SMG6: variants seen among roughly 807,000 people sequenced by gnomAD.
SMG6 encodes SMG6 nonsense mediated mRNA decay factor, also known as telomerase-binding protein EST1A.
SMG6 carries 66 observed loss-of-function variants against 142.2 expected under a neutral mutation model. The observed-to-expected ratio is 0.46, with a 90% CI of 0.38 to 0.57. The LOEUF (loss-of-function observed/expected upper bound fraction) is 0.57. Ranked by LOEUF, SMG6 falls within the 20% of genes least tolerant of loss-of-function variation. SMG6 has a pLI of 0.00. For missense variants in SMG6, 1,793 were observed against 1,832.0 expected, an observed-to-expected ratio of 0.98 and a Z score of 0.39; for synonymous variants, 779 against 702.4, an observed-to-expected ratio of 1.11 and a Z score of -1.72.
chr17:2,254,095 C>T (rs1274938432), intron 8 of SMG6, among the ~76,000 whole-genome samples: 1 of 152,232 alleles, frequency 6.6e-6, no homozygotes, highest in Non-Finnish European at 1.5e-5. Flanking sequence ...GAAAGTTCAG[C>T]CAAAGGGCAA....
intron 3 of SMG6, 47 bp downstream of exon 3, chr17:2,297,816 C>T (rs780471020): frequency 3.2e-6 from 5 of 1,573,336 alleles, no homozygotes; most frequent in Non-Finnish European, 4.3e-6. Context: ...ATCGTAACTA[C>T]AGAATGCTGA....
chr17:2,228,700 C>T (rs1259622837), intron 10 of SMG6, among the ~76,000 whole-genome samples: 1 of 152,202 alleles, frequency 6.6e-6, no homozygotes, highest in East Asian at 1.9e-4. Context: ...TATACACACA[C>T]ATACATATAT....
chr17:2,089,639 A>G (rs539774238), intron 13 of SMG6: 48 of 152,396 alleles, frequency 3.1e-4, no homozygotes, highest in African/African-American at 1.1e-3. Context: ...GGCTCCAGTT[A>G]TCACTCTAAT....
intron 13 of SMG6, among the ~76,000 whole-genome samples, chr17:2,130,810 G>C (rs934838631): frequency 6.0e-5 from 9 of 150,640 alleles, no homozygotes; most frequent in African/African-American, 2.2e-4. Flanking sequence ...TTTGACACCA[G>C]CCTGGCCAAC....
chr17:2,243,496 T>A (rs967279455), intron 9 of SMG6, among the ~76,000 whole-genome samples: 1 of 151,956 alleles, frequency 6.6e-6, no homozygotes, highest in Non-Finnish European at 1.5e-5. Context: ...GCCTGGCCAA[T>A]ATGGTGAAAC....
chr17:2,068,817 G>A lies in SMG6; in HGVS notation c.3796C>T (p.Leu1266=). ...ACCAGGATGTACTTCCTGCTCTCCA[G>A]CAGCCGCGCCAGACTGGCCAGGTGG... ...IDHLASLARL[L]ESRKYILVVP... Residue 1266 remains leucine, a synonymous_variant, in exon 16 of 19, where the codon CTG becomes TTG. Coordinates refer to ENST00000263073, the MANE Select transcript of SMG6 (RefSeq NM_017575.5). The surrounding 1 kb of genome is among the most constrained non-coding windows in gnomAD (Gnocchi z 6.7). 4.3e-6 allele frequency: 7 copies of A among 1,614,216 alleles called. No individual in the cohort carries two copies. Among genetic ancestry groups the A allele is most frequent in the Non-Finnish European group, 5.9e-6 (7 of 1,180,032 alleles).
intron 10 of SMG6, among the ~76,000 whole-genome samples, chr17:2,192,011 G>C (rs1390859336): frequency 1.3e-5 from 2 of 152,220 alleles, no homozygotes; most frequent in Non-Finnish European, 2.9e-5. Flanking sequence ...ATAATCTCCA[G>C]GAAAAGTGAT....
At chr17:2,119,286 T>C (rs936223908) in intron 13 of SMG6, among the ~76,000 whole-genome samples, 1 of 152,114 alleles carries the variant, frequency 6.6e-6, no homozygotes, top group Admixed American at 6.6e-5. Flanking sequence ...CTCAATCTCC[T>C]GACCTTGTGA....
chr17:2,220,202 C>T lies in SMG6; in HGVS notation c.2869+16290G>A, dbSNP rs552656979. 3.3e-5 allele frequency among the ~76,000 whole-genome samples: 5 copies of T among 152,178 alleles called. No individual in the cohort carries two copies. In the South Asian group the frequency reaches 1.0e-3, roughly 32 times the overall value. On this transcript the variant is annotated intron_variant, in intron 10 of 18. Coordinates refer to ENST00000263073, the MANE Select transcript of SMG6 (RefSeq NM_017575.5). The stretch of plus-strand genomic sequence containing the variant: ...TACAGGCATGAGCCACCACGCTTGG[C>T]CTATTCTAATAAAACAACATGAAAC...
At chr17:2,079,271 T>C (rs968162358) in intron 15 of SMG6, among the ~76,000 whole-genome samples, 3 of 152,228 alleles carry the variant, frequency 2.0e-5, no homozygotes, top group African/African-American at 7.2e-5. Flanking sequence ...GCCATATTGG[T>C]GACTTTTGAC....
chr17:2,102,484 GTAGCTGGGAC>G (rs1168531324), intron 13 of SMG6, among the ~76,000 whole-genome samples: 1 of 147,964 alleles, frequency 6.8e-6, no homozygotes, highest in African/African-American at 2.5e-5. Context: ...AGCCTCCCAA[GTAGCTGGGAC>G]TACAGGCGTG....
intron 8 of SMG6, among the ~76,000 whole-genome samples, chr17:2,260,323 T>TC (rs934182551): frequency 3.3e-4 from 50 of 150,988 alleles, no homozygotes; most frequent in South Asian, 1.5e-3. Context: ...GATGTCACTT[T>TC]CCCCCCCCAC....
At chr17:2,237,042 C>A in intron 9 of SMG6, 1 of 158,310 alleles carries the variant, frequency 6.3e-6, no homozygotes, top group Non-Finnish European at 1.3e-5. Context: ...TGGTATGAAA[C>A]TTAATTCAAT....
rs534866815 is a variant in SMG6 at position 2,291,386 on chromosome 17, T to C, written c.2337+1166A>G. ...ACTAGATAAAGGTGATGGTTAATTGTACTTTCTAATTAACAGTTCATTCAA... is the reference window on the plus strand; with the variant it reads ...ACTAGATAAAGGTGATGGTTAATTGCACTTTCTAATTAACAGTTCATTCAA... On this transcript the variant is annotated intron_variant, in intron 6 of 18. Transcript: ENST00000263073. Among the ~76,000 whole-genome samples the C allele has an allele frequency of 6.0e-5, 9 of 151,080 alleles. No individual in the cohort carries two copies. The South Asian group carries it at 1.9e-3, about 32-fold the overall frequency.
At chr17:2,262,984 T>C (rs2074349100) in intron 8 of SMG6, among the ~76,000 whole-genome samples, 1 of 152,124 alleles carries the variant, frequency 6.6e-6, no homozygotes, top group African/African-American at 2.4e-5. Context: ...CCACTTATTT[T>C]AGGCAACATA....
intron 13 of SMG6, among the ~76,000 whole-genome samples, chr17:2,152,482 T>C (rs991502813): frequency 1.3e-5 from 2 of 152,134 alleles, no homozygotes; most frequent in Non-Finnish European, 2.9e-5. Context: ...ATCCTAAATA[T>C]ATAAAGACCT....
chr17:2,278,537 G>A (rs888836293), intron 8 of SMG6, among the ~76,000 whole-genome samples: 6 of 152,088 alleles, frequency 3.9e-5, no homozygotes, highest in African/African-American at 1.4e-4. Context: ...TTAATGTTGA[G>A]ACAATGAATT....
Position 2,068,327 on chromosome 17 carries a change from A to G in SMG6, c.3835+451T>C, listed in dbSNP as rs538696731. Reference sequence around the variant, plus strand: ...CACTGGCCAGAAGAATGCTACCTCGAACCAACAGAGTGATCATGAAAAGCT... The same window carrying G: ...CACTGGCCAGAAGAATGCTACCTCGGACCAACAGAGTGATCATGAAAAGCT... On this transcript the variant is annotated intron_variant, in intron 16 of 18. Coordinates refer to ENST00000263073, the MANE Select transcript of SMG6 (RefSeq NM_017575.5). This position sits in a 1 kb window ranked among gnomAD's most constrained non-coding sequence, Gnocchi z 6.7. 6.6e-6 allele frequency among the ~76,000 whole-genome samples: 1 copy of G among 152,290 alleles called. No homozygotes were observed. Among genetic ancestry groups the G allele is most frequent in the African/African-American group, 2.4e-5 (1 of 41,562 alleles).
At chr17:2,226,488 A>G (rs1015706056) in intron 10 of SMG6, among the ~76,000 whole-genome samples, 1 of 151,640 alleles carries the variant, frequency 6.6e-6, no homozygotes, top group Non-Finnish European at 1.5e-5. Flanking sequence ...CTGAGGCAGG[A>G]GAATTGCATG....
Sources: allele counts gnomAD v4.1 joint callset (sites outside exome capture counted in the v4.1 genomes callset), GRCh38; gene constraint gnomAD v4.1.1; non-coding constraint Gnocchi (gnomAD v3.1); transcripts MANE v1.5; gene names NCBI Gene and HGNC (gene_info 2026-07-23, HGNC 2026-07-21).